DIS3L: variants seen among roughly 807,000 people sequenced by gnomAD.
The protein encoded by DIS3L is DIS3-like exonuclease 1.
In DIS3L, 100 loss-of-function variants were observed where a neutral mutation model predicts 120.3. That is an observed-to-expected ratio of 0.83 (90% CI 0.71 to 0.98). The LOEUF is 0.98. Ranked by LOEUF, DIS3L falls within the 50% of genes least tolerant of loss-of-function variation. The pLI is 0.00. For missense variants in DIS3L, 1,196 were observed against 1,314.2 expected, an observed-to-expected ratio of 0.91 and a Z score of 1.39; for synonymous variants, 426 against 470.6, an observed-to-expected ratio of 0.91 and a Z score of 1.23.
At chr15:66,302,899 G>A (rs770290856) in intron 2 of DIS3L, among the ~76,000 whole-genome samples, 7 of 152,152 alleles carry the variant, frequency 4.6e-5, no homozygotes, top group Non-Finnish European at 7.3e-5. Context: ...CATATGCCTT[G>A]TTGTCAGCCA....
chr15:66,315,146 G>A lies in DIS3L; in HGVS notation c.925G>A (p.Val309Ile), dbSNP rs199923554. 125 of 1,614,112 alleles carry A rather than the reference G, an allele frequency of 7.7e-5. No individual in the cohort carries two copies. In the African/African-American group the frequency reaches 1.3e-3, roughly 17 times the overall value. Reference protein sequence around the residue: ...LPKNEWKGRTVALCENDCDDK... With the variant: ...LPKNEWKGRTIALCENDCDDK... ...TAAAAATGAATGGAAAGGAAGAACC[G>A]TAGCCCTGTGTGAGAATGACTGTGA... is the stretch of plus-strand genomic sequence containing the variant. The change falls in exon 7 of 17, where the codon GTA becomes ATA. Residue 309 changes from valine to isoleucine, a missense_variant. Coordinates refer to ENST00000319212, the MANE Select transcript of DIS3L (RefSeq NM_001143688.3).
At position 66,294,591 on chromosome 15, in the gene DIS3L, C is replaced by G. The variant is rs953075250; in HGVS notation, c.140-397C>G. The G allele has an allele frequency of 6.4e-6, 6 of 943,758 alleles. No individual in the cohort carries two copies. In the African/African-American group the frequency reaches 8.9e-5, roughly 14 times the overall value. 58.5% of individuals were successfully genotyped at this position (943,758 alleles called of 1,614,324 possible). On this transcript the variant is annotated intron_variant, in intron 1 of 16. Coordinates refer to ENST00000319212, the MANE Select transcript of DIS3L (RefSeq NM_001143688.3). ...GGAGGCTGCTGAGCACGTGCAGAAG[C>G]TTGACACAGAGCCAACTTTAAATTG...
chr15:66,329,680 T>C, intron 14 of DIS3L: 1 of 1,065,090 alleles, frequency 9.4e-7, no homozygotes, highest in South Asian at 3.4e-5. Context: ...GTGGCTCACT[T>C]GAGGGCGGAT....
rs776914681 is a variant in DIS3L at position 66,311,837 on chromosome 15, G to A, written c.672G>A (p.Glu224=). 4.3e-6 allele frequency: 7 copies of A among 1,614,172 alleles called. No individual in the cohort carries two copies. The highest frequency in any genetic ancestry group is 2.2e-5 in the South Asian group (2 of 91,088). ...AGAGTCAGGAGAGCCATGGGAAGGA[G>A]TACCCAGAACATCTTCCCCTGGAAG... is the stretch of plus-strand genomic sequence containing the variant. ...ENESQESHGK[E]YPEHLPLEVL... Residue 224 remains glutamate (E), a synonymous_variant, in exon 5 of 17, where the codon GAG becomes GAA. Transcript: ENST00000319212.
intron 3 of DIS3L, 37 bp downstream of exon 3, chr15:66,306,989 T>A (rs2092708958): frequency 6.2e-7 from 1 of 1,608,356 alleles, no homozygotes; most frequent in African/African-American, 1.3e-5. Flanking sequence ...CACACTGTCG[T>A]CTTCTTTCAT....
At chr15:66,318,671 T>C in intron 8 of DIS3L, 53 bp downstream of exon 8, 1 of 1,559,430 alleles carries the variant, frequency 6.4e-7, no homozygotes, top group Non-Finnish European at 8.7e-7. Context: ...TCCTTCTGTC[T>C]TTACCAGCTT....
At chr15:66,313,867 A>G (rs988339416) in intron 5 of DIS3L, among the ~76,000 whole-genome samples, 172 bp from the exon 6 acceptor site, 98 of 129,298 alleles carry the variant, frequency 7.6e-4, no homozygotes, top group Admixed American at 1.6e-3. Context: ...ATATGTGTGT[A>G]TATATATATA....
At chr15:66,308,579 G>T (rs369427252) in intron 3 of DIS3L, 130 bp from the exon 4 acceptor site, 2 of 1,236,488 alleles carry the variant, frequency 1.6e-6, no homozygotes, top group African/African-American at 3.0e-5. Context: ...GGATACTCCA[G>T]AAGTATTTGT....
chr15:66,320,348 T>C (rs1015669561), intron 8 of DIS3L, among the ~76,000 whole-genome samples: 2 of 152,014 alleles, frequency 1.3e-5, no homozygotes, highest in Admixed American at 6.6e-5. Context: ...TGTAGAGAGG[T>C]AATGCCTCCC....
At chr15:66,296,567 A>G (rs1347478707) in intron 2 of DIS3L, among the ~76,000 whole-genome samples, 1 of 145,726 alleles carries the variant, frequency 6.9e-6, no homozygotes, top group East Asian at 2.0e-4. Flanking sequence ...CCCAGGCTAG[A>G]GTACAGTGGC....
At chr15:66,330,655 G>A (rs1024383846) in intron 14 of DIS3L, 6 of 425,788 alleles carry the variant, frequency 1.4e-5, no homozygotes, top group African/African-American at 1.3e-4. Flanking sequence ...GTATAGCTCA[G>A]TGGCCACTTG....
intron 7 of DIS3L, 99 bp from the exon 8 acceptor site, chr15:66,318,350 C>T: frequency 7.4e-7 from 1 of 1,342,818 alleles, no homozygotes; most frequent in Non-Finnish European, 1.0e-6. Flanking sequence ...AAATAGGACA[C>T]TGTATTTCTT....
chr15:66,294,088 T>A, intron 1 of DIS3L: 2 of 985,860 alleles, frequency 2.0e-6, no homozygotes, highest in Non-Finnish European at 2.4e-6. Context: ...CGTGGAGAAA[T>A]GGGGAGGTCC....
Position 66,326,276 on chromosome 15 carries a change from T to G in DIS3L, c.2113T>G (p.Leu705Val). 6.2e-7 allele frequency: 1 copy of G among 1,614,164 alleles called. No individual in the cohort carries two copies. The highest frequency in any genetic ancestry group is 8.5e-7 in the Non-Finnish European group (1 of 1,180,024). Residue 705 changes from leucine to valine, a missense_variant, in exon 12 of 17, where the codon TTG becomes GTG. Coordinates refer to ENST00000319212, the MANE Select transcript of DIS3L (RefSeq NM_001143688.3). ...KIWESFPHQA[L>V]LRQHPPPHQE... ...CTGGGAGAGCTTCCCTCATCAGGCC[T>G]TGCTGCGCCAGCACCCTCCTCCACA...
chr15:66,309,094 A>AAAAATATATATATATATATATATATATAT lies in DIS3L; in HGVS notation c.558+251_558+252insAAATATATATATATATATATATATATATA. ...CTTGTCTCTACAGAAAAAAAAAAAA[A>AAAAATATATATATATATATATATATATAT]ATATATATATCTCCAAGCATGGTGG... is the stretch of plus-strand genomic sequence containing the variant. On this transcript the variant is annotated intron_variant, in intron 4 of 16. Coordinates refer to ENST00000319212, the MANE Select transcript of DIS3L (RefSeq NM_001143688.3). Among the ~76,000 whole-genome samples, 7 of 15,306 alleles carry AAAAATATATATATATATATATATATATAT rather than the reference A, an allele frequency of 4.6e-4. 1 individual carries two copies. The highest frequency in any genetic ancestry group is 6.0e-4 in the Non-Finnish European group (5 of 8,300). The allele number at this position is 15,306 out of a possible 152,430, so 10.0% of individuals were successfully genotyped here.
chr15:66,330,458 T>C (rs1351220684), intron 14 of DIS3L: 2 of 985,344 alleles, frequency 2.0e-6, no homozygotes, highest in South Asian at 4.7e-5. Flanking sequence ...AACTAGACTA[T>C]TGGGTAACGC....
intron 14 of DIS3L, chr15:66,330,453 G>A (rs1370216805): frequency 4.1e-6 from 4 of 985,240 alleles, no homozygotes; most frequent in Non-Finnish European, 4.8e-6. Flanking sequence ...CATAGAACTA[G>A]ACTATTGGGT....
chr15:66,330,204 G>A (rs1273022011), intron 14 of DIS3L: 1 of 901,858 alleles, frequency 1.1e-6, no homozygotes, highest in Non-Finnish European at 1.3e-6. Flanking sequence ...GGCTGAGGCA[G>A]GAGAATGGTG....
Position 66,328,987 on chromosome 15 carries a change from C to A in DIS3L, c.2219C>A (p.Ala740Asp). The A allele has an allele frequency of 6.2e-7, 1 of 1,612,254 alleles. No individual in the cohort carries two copies. Among genetic ancestry groups the A allele is most frequent in the Non-Finnish European group, 8.5e-7 (1 of 1,179,566 alleles). Reference sequence around the variant, plus strand: ...TTTGTCAGGTCCAATAAAACACTGGCTGATTCTCTGGATAATGCGAACGAC... The same window carrying A: ...TTTGTCAGGTCCAATAAAACACTGGATGATTCTCTGGATAATGCGAACGAC... ...FIDTRSNKTL[A>D]DSLDNANDPH... Residue 740 changes from alanine (A) to aspartate (D), a missense_variant, in exon 13 of 17, where the codon GCT (alanine) becomes GAT (aspartate). Physicochemically the swap from Ala to Asp is moderately radical, Grantham distance 126. Transcript: ENST00000319212.
Sources: allele counts gnomAD v4.1 joint callset (sites outside exome capture counted in the v4.1 genomes callset), GRCh38; gene constraint gnomAD v4.1.1; transcripts MANE v1.5; gene names NCBI Gene and HGNC (gene_info 2026-07-23, HGNC 2026-07-21).